TMEM120B: variants seen among roughly 807,000 people sequenced by gnomAD.
The protein encoded by TMEM120B is transmembrane protein 120B.
A neutral mutation model predicts 55.5 loss-of-function variants in TMEM120B; 31 were observed. The ratio of observed to expected loss-of-function variants is 0.56; its 90% CI spans 0.42 to 0.75. The LOEUF is 0.75. Among genes scored for constraint, TMEM120B ranks in the 30% least tolerant of loss-of-function variants. TMEM120B has a pLI of 0.00. For missense variants in TMEM120B, 399 were observed against 425.5 expected (o/e 0.94, Z 0.55); for synonymous variants, 203 against 176.3 (o/e 1.15, Z -1.20).
Position 121,748,405 on chromosome 12 carries a change from T to G in TMEM120B, c.268T>G (p.Phe90Val), listed in dbSNP as rs774653755. Residue 90 changes from phenylalanine to valine, a missense_variant, in exon 3 of 12, where the codon TTC (phenylalanine) becomes GTC (valine). Physicochemically the swap from Phe to Val is conservative, Grantham distance 50. Transcript: ENST00000449592. ...GAACATCAAGGAGCGGCAGGACGTCTTCTTCGACATGGAGGCCTACCTGCC... is the reference window on the plus strand; with the variant it reads ...GAACATCAAGGAGCGGCAGGACGTCGTCTTCGACATGGAGGCCTACCTGCC... ...AANIKERQDV[F>V]FDMEAYLPKK... The G allele has an allele frequency of 1.9e-6, 3 of 1,610,876 alleles. No individual in the cohort carries two copies. The highest frequency in any genetic ancestry group is 2.2e-5 in the East Asian group (1 of 44,824).
In TMEM120B at chr12:121,775,936, C is replaced by A; in HGVS notation, c.*214C>A. Reference sequence around the variant, plus strand: ...ACATATTTAATGCTGGGTCCCCCATCGTCCCTGGAACCCGAGGCCTCACTC... The same window carrying A: ...ACATATTTAATGCTGGGTCCCCCATAGTCCCTGGAACCCGAGGCCTCACTC... On this transcript the variant is annotated 3_prime_UTR_variant, in exon 12 of 12. Coordinates refer to ENST00000449592, the MANE Select transcript of TMEM120B (RefSeq NM_001080825.2). This position sits in a 1 kb window ranked among gnomAD's most constrained non-coding sequence, Gnocchi z 4.3. 1 of 619,220 alleles carries A rather than the reference C, an allele frequency of 1.6e-6. No homozygotes were observed. The highest frequency in any genetic ancestry group is 1.9e-5 in the South Asian group (1 of 52,230). 38.4% of individuals were successfully genotyped at this position (619,220 alleles called of 1,614,324 possible).
intron 1 of TMEM120B, among the ~76,000 whole-genome samples, chr12:121,729,714 G>T (rs568719127): frequency 3.9e-5 from 6 of 151,920 alleles, no homozygotes; most frequent in Non-Finnish European, 7.4e-5. Context: ...TGGGAGGATC[G>T]CTTGAGCCCA....
intron 6 of TMEM120B, among the ~76,000 whole-genome samples, chr12:121,763,799 T>C (rs1004499687): frequency 3.9e-5 from 6 of 152,056 alleles, no homozygotes; most frequent in Non-Finnish European, 7.4e-5. Flanking sequence ...AGCTCCTGCT[T>C]CCTCCTTCCT....
At position 121,771,100 on chromosome 12, in the gene TMEM120B, T is replaced by A. The variant is rs1036996971; in HGVS notation, c.617+128T>A. ...CAGGGCCAACTTGGGAAAGAAAGTA[T>A]GAGCCTGCAGCTGCGCCGGGCTGCG... On this transcript the variant is annotated intron_variant, in intron 7 of 11. Coordinates refer to ENST00000449592, the MANE Select transcript of TMEM120B (RefSeq NM_001080825.2). 7.6e-6 allele frequency: 8 copies of A among 1,054,842 alleles called. No individual in the cohort carries two copies. In the East Asian group the frequency reaches 2.1e-4, roughly 27 times the overall value. 65.3% of individuals were successfully genotyped at this position (1,054,842 alleles called of 1,614,324 possible).
intron 1 of TMEM120B, among the ~76,000 whole-genome samples, chr12:121,739,798 CTTTTTTTT>C (rs200085137): frequency 1.0e-5 from 1 of 99,212 alleles, no homozygotes; most frequent in Admixed American, 1.1e-4. Flanking sequence ...TGCAACACTT[CTTTTTTTT>C]TTTTTTTTTT....
chr12:121,751,813 G>A (rs1051775249), intron 4 of TMEM120B, among the ~76,000 whole-genome samples: 7 of 152,120 alleles, frequency 4.6e-5, no homozygotes, highest in Non-Finnish European at 8.8e-5. Flanking sequence ...CCAGACAGCC[G>A]CAAACCCTGG....
At chr12:121,729,053 C>T (rs1174564790) in intron 1 of TMEM120B, among the ~76,000 whole-genome samples, 1 of 152,220 alleles carries the variant, frequency 6.6e-6, no homozygotes, top group Non-Finnish European at 1.5e-5. Context: ...GAGCCTGTGG[C>T]CAGGCCTAAC....
intron 1 of TMEM120B, among the ~76,000 whole-genome samples, chr12:121,738,025 A>AAG (rs1356306745): frequency 5.9e-5 from 9 of 151,710 alleles, no homozygotes; most frequent in African/African-American, 2.2e-4. Flanking sequence ...AAAAAAAAAA[A>AAG]AAAAGAAAGT....
At position 121,712,875 on chromosome 12, in the gene TMEM120B, G is replaced by T; in HGVS notation, c.-21G>T. ...CGCTGCGGGAGCAGCCGCCGGCACC[G>T]CCGCCTTGCACCATCGCATCATGTC... is the stretch of plus-strand genomic sequence containing the variant. On this transcript the variant is annotated 5_prime_UTR_variant, in exon 1 of 12. Transcript: ENST00000449592. The T allele has an allele frequency of 6.8e-7, 1 of 1,473,830 alleles. No homozygotes were observed. Among genetic ancestry groups the T allele is most frequent in the East Asian group, 2.8e-5 (1 of 36,098 alleles). The allele number at this position is 1,473,830 out of a possible 1,614,324, so 91.3% of individuals were successfully genotyped here. A position where few individuals can be genotyped will look rare whatever the true frequency, so the allele number is the denominator to read the frequency against.
At chr12:121,737,279 C>T (rs1377496947) in intron 1 of TMEM120B, among the ~76,000 whole-genome samples, 2 of 151,858 alleles carry the variant, frequency 1.3e-5, no homozygotes, top group Non-Finnish European at 2.9e-5. Context: ...CCGAGGTGGG[C>T]GGATTACCCA....
At chr12:121,726,239 T>G (rs1894888501) in intron 1 of TMEM120B, among the ~76,000 whole-genome samples, 2 of 151,928 alleles carry the variant, frequency 1.3e-5, no homozygotes, top group Non-Finnish European at 2.9e-5. Flanking sequence ...ATTATTAAAA[T>G]GGGTGAATTG....
intron 6 of TMEM120B, among the ~76,000 whole-genome samples, chr12:121,763,553 C>G (rs1592945106): frequency 6.6e-6 from 1 of 152,156 alleles, no homozygotes; most frequent in African/African-American, 2.4e-5. Context: ...AGCGATTCTT[C>G]TGTCTCAGCC....
In TMEM120B at chr12:121,773,380, G is replaced by A. The variant is rs774565909; in HGVS notation, c.680-41G>A. The A allele has an allele frequency of 5.8e-6, 9 of 1,564,098 alleles. No individual in the cohort carries two copies. The Admixed American group carries it at 1.1e-4, about 19-fold the overall frequency. ...GAGAGGTGTGGCCCTGTCTTCCGGG[G>A]ACACCAGGCCCTGAGCCCAGGTGCT... On this transcript the variant is annotated intron_variant, in intron 8 of 11. Transcript: ENST00000449592.
At chr12:121,746,448 A>G (rs1224288487) in intron 2 of TMEM120B, among the ~76,000 whole-genome samples, 1 of 151,792 alleles carries the variant, frequency 6.6e-6, no homozygotes, top group African/African-American at 2.4e-5. Flanking sequence ...CAGCCTCCCA[A>G]CGTATTGGGA....
At chr12:121,713,033 C>G in intron 1 of TMEM120B, 69 bp downstream of exon 1, 1 of 1,349,298 alleles carries the variant, frequency 7.4e-7, no homozygotes, top group Non-Finnish European at 9.9e-7. Flanking sequence ...TCCTGAGCCC[C>G]CCGGCCCGGG....
intron 6 of TMEM120B, among the ~76,000 whole-genome samples, chr12:121,769,864 C>T (rs1566525315): frequency 6.6e-6 from 1 of 151,952 alleles, no homozygotes; most frequent in Non-Finnish European, 1.5e-5. Flanking sequence ...GGAGAGGGGG[C>T]AGATCACAGG....
Position 121,781,283 on chromosome 12 carries a change from G to A in TMEM120B, c.*5561G>A. 9.1e-7 allele frequency: 1 copy of A among 1,103,722 alleles called. No homozygotes were observed. Among genetic ancestry groups the A allele is most frequent in the South Asian group, 1.4e-5 (1 of 70,610 alleles). 68.4% of individuals were successfully genotyped at this position (1,103,722 alleles called of 1,614,324 possible). A position where few individuals can be genotyped will look rare whatever the true frequency, so the allele number is the denominator to read the frequency against. ...GGGAAGGGGCCAGGCAAGTGACCCT[G>A]CCTTAGGGCCTCAATTTCCTCATCT... On this transcript the variant is annotated 3_prime_UTR_variant, in exon 12 of 12. Coordinates refer to ENST00000449592, the MANE Select transcript of TMEM120B (RefSeq NM_001080825.2).
rs1298460254 is a variant in TMEM120B at position 121,750,511 on chromosome 12, C to A, written c.365+72C>A. 100 of 1,263,508 alleles carry A rather than the reference C, an allele frequency of 7.9e-5. 2 individuals are homozygous for A. In the Admixed American group the frequency reaches 1.7e-3, roughly 21 times the overall value. 78.3% of individuals were successfully genotyped at this position (1,263,508 alleles called of 1,614,324 possible). ...CCACACCCACACCCACACCCCAAAC[C>A]CCACACTGAGAACCCACACCCCACA... On this transcript the variant is annotated intron_variant, in intron 4 of 11. Transcript: ENST00000449592.
chr12:121,754,586 G>A (rs141867523), intron 5 of TMEM120B, among the ~76,000 whole-genome samples: 14 of 152,298 alleles, frequency 9.2e-5, no homozygotes, highest in Non-Finnish European at 1.9e-4. Flanking sequence ...CAGCAAGCCC[G>A]TATTGCCTGG....
Sources: gnomAD v4.1 joint callset for allele counts (sites outside exome capture counted in the v4.1 genomes callset) on GRCh38, gnomAD v4.1.1 for gene constraint, Gnocchi (gnomAD v3.1) non-coding constraint, MANE v1.5 for transcripts, NCBI Gene and HGNC (gene_info 2026-07-23, HGNC 2026-07-21) for gene names.